The following STPG4 variants were observed in gnomAD, a reference collection of about 807,000 sequenced individuals.
STPG4 encodes sperm-tail PG-rich repeat containing 4, also known as protein STPG4.
In STPG4, 41 loss-of-function variants were observed where a neutral mutation model predicts 31.5. The observed-to-expected ratio is 1.30, with a 90% confidence interval of 1.01 to 1.69. The LOEUF (loss-of-function observed/expected upper bound fraction) is 1.69, where lower values mean the gene tolerates loss of function less well. Among genes scored for constraint, STPG4 ranks in the 40% most tolerant of loss-of-function variants. The pLI is 0.00. For missense variants in STPG4, 375 were observed against 293.4 expected (o/e 1.28, Z -2.03); for synonymous variants, 141 against 103.0 (o/e 1.37, Z -2.24).
chr2:47,123,298 C>A (rs1558680692), intron 5 of STPG4, among the ~76,000 whole-genome samples: 1 of 152,016 alleles, frequency 6.6e-6, no homozygotes, highest in African/African-American at 2.4e-5. Context: ...AGGAAAGAAA[C>A]AGAGAGGTGC....
At chr2:47,127,372 G>A (rs1051531478) in intron 5 of STPG4, among the ~76,000 whole-genome samples, 5 of 145,052 alleles carry the variant, frequency 3.4e-5, no homozygotes, top group East Asian at 4.3e-4. Flanking sequence ...AGGTTCAAGC[G>A]ATTCTCATGC....
intron 3 of STPG4, among the ~76,000 whole-genome samples, chr2:47,130,555 G>A (rs538831338): frequency 9.2e-5 from 14 of 152,122 alleles, no homozygotes; most frequent in African/African-American, 1.7e-4. Flanking sequence ...TCGCTCTGTC[G>A]CCCAGGCTGG....
chr2:47,153,994 A>G (rs1686983237), intron 1 of STPG4, among the ~76,000 whole-genome samples: 1 of 152,214 alleles, frequency 6.6e-6, no homozygotes, highest in South Asian at 2.1e-4. Context: ...CATTGTCCAC[A>G]GAACACAACC....
At chr2:47,122,300 T>A (rs1686288546) in intron 5 of STPG4, among the ~76,000 whole-genome samples, 1 of 152,216 alleles carries the variant, frequency 6.6e-6, no homozygotes, top group Non-Finnish European at 1.5e-5. Context: ...GTTAACTTTG[T>A]TTGCAGTTTG....
In STPG4 at chr2:47,087,587, C is replaced by T. The variant is rs78213381; in HGVS notation, c.625-457G>A. ...AAAAGCCCAAATCGCCTCTCAAACT[C>T]GGGTTGGGTTTTAGTTATTGACCCA... On this transcript the variant is annotated intron_variant, in intron 6 of 6. Transcript: ENST00000445927. Among the ~76,000 whole-genome samples the T allele has an allele frequency of 8.1e-3, 1,236 of 152,256 alleles. 12 individuals are homozygous for T. Among genetic ancestry groups the T allele is most frequent in the South Asian group, 0.016 (79 of 4,820 alleles).
chr2:47,097,862 A>C (rs1685703522), intron 5 of STPG4, among the ~76,000 whole-genome samples: 1 of 151,978 alleles, frequency 6.6e-6, no homozygotes, highest in South Asian at 2.1e-4. Flanking sequence ...TCACGCCTGT[A>C]ATCCCAGCAC....
chr2:47,093,977 G>C (rs571366556), intron 5 of STPG4, among the ~76,000 whole-genome samples: 4 of 152,188 alleles, frequency 2.6e-5, no homozygotes, highest in Non-Finnish European at 4.4e-5. Context: ...CAGATGGCTC[G>C]GGATGTGCCA....
Position 47,087,815 on chromosome 2 carries a change from C to A in STPG4, c.625-685G>T, listed in dbSNP as rs1223111094. Reference sequence around the variant, plus strand: ...TAGGCTGGAGTGTAGTGCGCGCTATCTCGGCTCACTGCAATCTCTGCCTCC... The same window carrying A: ...TAGGCTGGAGTGTAGTGCGCGCTATATCGGCTCACTGCAATCTCTGCCTCC... On this transcript the variant is annotated intron_variant, in intron 6 of 6. Coordinates refer to ENST00000445927, the MANE Select transcript of STPG4 (RefSeq NM_001163561.2). 3.9e-5 allele frequency among the ~76,000 whole-genome samples: 6 copies of A among 152,146 alleles called. 1 individual carries two copies. Among genetic ancestry groups the A allele is most frequent in the African/African-American group, 1.4e-4 (6 of 41,436 alleles).
chr2:47,090,349 T>C lies in STPG4; in HGVS notation c.545A>G (p.Tyr182Cys). 6.4e-7 allele frequency: 1 copy of C among 1,552,006 alleles called. No individual in the cohort carries two copies. The highest frequency in any genetic ancestry group is 8.7e-7 in the Non-Finnish European group (1 of 1,146,868). Residue 182 changes from tyrosine (Y) to cysteine (C), a missense_variant, in exon 6 of 7, where the codon TAT (tyrosine) becomes TGT (cysteine). Coordinates refer to ENST00000445927, the MANE Select transcript of STPG4 (RefSeq NM_001163561.2). ...GCTTGTTGGAGGCATTTTCACATTA[T>C]AATGACCTGGACCAGGGCCTTCATG... Reference protein sequence around the residue: ...IPHEGPGPGHYNVKMPPTSSV... With the variant: ...IPHEGPGPGHCNVKMPPTSSV...
intron 5 of STPG4, among the ~76,000 whole-genome samples, chr2:47,094,540 T>C (rs1417671987): frequency 6.6e-6 from 1 of 152,166 alleles, no homozygotes; most frequent in East Asian, 1.9e-4. Context: ...TAAAATACTC[T>C]CTTTGGCCTC....
At chr2:47,147,503 G>C (rs1686846761) in intron 3 of STPG4, among the ~76,000 whole-genome samples, 1 of 152,190 alleles carries the variant, frequency 6.6e-6, no homozygotes, top group African/African-American at 2.4e-5. Context: ...TGGGATATTA[G>C]AGAGTGGGAT....
intron 3 of STPG4, among the ~76,000 whole-genome samples, chr2:47,140,956 G>A (rs1241856084): frequency 3.3e-5 from 5 of 150,020 alleles, no homozygotes; most frequent in African/African-American, 4.9e-5. Context: ...GTGTGATCTC[G>A]GCTCACTGCA....
At chr2:47,127,251 T>TC (rs1316155170) in intron 5 of STPG4, among the ~76,000 whole-genome samples, 9 of 112,970 alleles carry the variant, frequency 8.0e-5, no homozygotes, top group African/African-American at 2.5e-4. Flanking sequence ...TCAAGCTAAT[T>TC]CTTTTTTTTT....
In STPG4 at chr2:47,115,230, A is replaced by G. The variant is rs144789384; in HGVS notation, c.519+14711T>C. ...TGAAACATTCCTTCTAGAGTTTCCT[A>G]TTTTCTTTTTCTATTATATTGATTG... On this transcript the variant is annotated intron_variant, in intron 5 of 6. Transcript: ENST00000445927. Among the ~76,000 whole-genome samples, 123 of 150,310 alleles carry G rather than the reference A, an allele frequency of 8.2e-4. 1 individual carries two copies. Among genetic ancestry groups the G allele is most frequent in the African/African-American group, 2.8e-3 (115 of 40,832 alleles).
At chr2:47,143,575 TC>T (rs1188529676) in intron 3 of STPG4, among the ~76,000 whole-genome samples, 1 of 151,600 alleles carries the variant, frequency 6.6e-6, no homozygotes. Context: ...AAGCTCCGCC[TC>T]CTGGGTTCAC....
chr2:47,110,494 T>C (rs190601100), intron 5 of STPG4, among the ~76,000 whole-genome samples: 7 of 152,282 alleles, frequency 4.6e-5, no homozygotes, highest in Admixed American at 4.6e-4. Context: ...CTTGGGAGAC[T>C]GAGGCAGGAG....
intron 3 of STPG4, among the ~76,000 whole-genome samples, chr2:47,136,441 C>G (rs1022180923): frequency 4.6e-5 from 7 of 152,196 alleles, no homozygotes; most frequent in African/African-American, 1.7e-4. Context: ...AGCCACCACG[C>G]CCAGCCAAGT....
Position 47,125,768 on chromosome 2 carries a change from A to G in STPG4, c.519+4173T>C, listed in dbSNP as rs984136623. The stretch of plus-strand genomic sequence containing the variant: ...GAGACAGGGTCTCCCTATATTGCCC[A>G]GGCTGGTCTCGAATTCCTGGGCTCA... On this transcript the variant is annotated intron_variant, in intron 5 of 6. Coordinates refer to ENST00000445927, the MANE Select transcript of STPG4 (RefSeq NM_001163561.2). Among the ~76,000 whole-genome samples the G allele has an allele frequency of 6.6e-5, 10 of 151,532 alleles. 1 individual carries two copies. Among genetic ancestry groups the G allele is most frequent in the African/African-American group, 2.2e-4 (9 of 41,272 alleles).
At chr2:47,096,340 G>A (rs1467983425) in intron 5 of STPG4, among the ~76,000 whole-genome samples, 1 of 152,184 alleles carries the variant, frequency 6.6e-6, no homozygotes, top group East Asian at 1.9e-4. Flanking sequence ...TGAGGCTGGT[G>A]GAAGGGTTTG....
Sources: gnomAD v4.1 joint callset for allele counts (sites outside exome capture counted in the v4.1 genomes callset) on GRCh38, gnomAD v4.1.1 for gene constraint, MANE v1.5 for transcripts, NCBI Gene and HGNC (gene_info 2026-07-23, HGNC 2026-07-21) for gene names.